PITPNC1: variants seen among roughly 807,000 people sequenced by gnomAD.
The protein encoded by PITPNC1 is phosphatidylinositol transfer protein cytoplasmic 1.
In PITPNC1, 18 loss-of-function variants were observed where a neutral mutation model predicts 44.7. That is an observed-to-expected ratio of 0.40 (90% CI 0.28 to 0.60). The LOEUF is 0.60. Among genes scored for constraint, PITPNC1 ranks in the 20% least tolerant of loss-of-function variants. The pLI is 0.39. For synonymous variants in PITPNC1, 141 were observed against 149.6 expected (o/e 0.94, Z 0.42); for missense variants, 290 against 418.4 (o/e 0.69, Z 2.68).
At chr17:67,566,196 G>A (rs2040978227) in intron 4 of PITPNC1, among the ~76,000 whole-genome samples, 2 of 151,838 alleles carry the variant, frequency 1.3e-5, no homozygotes, top group African/African-American at 4.8e-5. Context: ...TTCTGGGCAG[G>A]GTTTTTTGTT....
intron 5 of PITPNC1, among the ~76,000 whole-genome samples, chr17:67,585,201 C>G (rs1342653549): frequency 1.3e-5 from 2 of 149,766 alleles, no homozygotes; most frequent in African/African-American, 4.9e-5. Flanking sequence ...AGTAAACAAA[C>G]AAAAGAATTG....
chr17:67,526,718 G>A (rs1030227620), intron 1 of PITPNC1, among the ~76,000 whole-genome samples: 3 of 151,446 alleles, frequency 2.0e-5, no homozygotes, highest in Non-Finnish European at 4.4e-5. Context: ...GCGACAGAGA[G>A]CGAGACTCCA....
chr17:67,526,920 A>G (rs1417318698), intron 1 of PITPNC1, among the ~76,000 whole-genome samples: 2 of 151,990 alleles, frequency 1.3e-5, no homozygotes, highest in East Asian at 3.9e-4. Flanking sequence ...GTTTTTGACT[A>G]TGGAGGTAAT....
At chr17:67,490,517 G>A (rs1338873362) in intron 1 of PITPNC1, among the ~76,000 whole-genome samples, 3 of 152,102 alleles carry the variant, frequency 2.0e-5, no homozygotes, top group Admixed American at 6.5e-5. Context: ...AGGAGGCTTG[G>A]AGAGAGAGCC....
chr17:67,633,528 C>A (rs536934007), intron 6 of PITPNC1, among the ~76,000 whole-genome samples: 1 of 152,354 alleles, frequency 6.6e-6, no homozygotes, highest in South Asian at 2.1e-4. Flanking sequence ...CTCTGTGTTG[C>A]TCATCTCCAC....
At chr17:67,661,463 AC>A (rs1227977104) in intron 6 of PITPNC1, among the ~76,000 whole-genome samples, 1 of 151,506 alleles carries the variant, frequency 6.6e-6, no homozygotes, top group Non-Finnish European at 1.5e-5. Flanking sequence ...TTCTCCCCTC[AC>A]CCCCAGGCCC....
intron 1 of PITPNC1, among the ~76,000 whole-genome samples, chr17:67,462,190 T>TTTTTC (rs1213387849): frequency 1.3e-5 from 2 of 151,334 alleles, no homozygotes; most frequent in African/African-American, 4.9e-5. Flanking sequence ...CACCTTTTTT[T>TTTTTC]TTTTCTTTTC....
intron 6 of PITPNC1, among the ~76,000 whole-genome samples, chr17:67,667,490 C>CAA (rs71139168): frequency 2.8e-5 from 3 of 107,662 alleles, no homozygotes; most frequent in African/African-American, 6.9e-5. Flanking sequence ...GATCCTTTCT[C>CAA]AAAAAAAAAA....
chr17:67,377,942 A>C lies in PITPNC1; in HGVS notation c.-213A>C. The C allele has an allele frequency of 2.5e-6, 1 of 403,842 alleles. No individual in the cohort carries two copies. The highest frequency in any genetic ancestry group is 4.4e-6 in the Non-Finnish European group (1 of 229,752). 25.0% of individuals were successfully genotyped at this position (403,842 alleles called of 1,614,324 possible). A position where few individuals can be genotyped will look rare whatever the true frequency, so the allele number is the denominator to read the frequency against. ...GGAGGACCGGCCTCGGCGAGGGAGG[A>C]GGCGGGGGAGCTGCGAACACCCAGA... On this transcript the variant is annotated 5_prime_UTR_variant, in exon 1 of 9. Transcript: ENST00000581322.
Position 67,462,225 on chromosome 17 carries a change from C to CTTTTTTTTTT in PITPNC1, c.49-70564_49-70555dup, listed in dbSNP as rs549707875. On this transcript the variant is annotated intron_variant, in intron 1 of 8. Transcript: ENST00000581322. ...CTTTTCTTTTTCTCTTTCTTTCTTT[C>CTTTTTTTTTT]TTTTTTTTTTTTTTTTTTTTTTCTG... 3.9e-3 allele frequency among the ~76,000 whole-genome samples: 276 copies of CTTTTTTTTTT among 71,232 alleles called. 2 individuals carry two copies. Among genetic ancestry groups the CTTTTTTTTTT allele is most frequent in the Non-Finnish European group, 4.7e-3 (186 of 39,414 alleles). The allele number at this position is 71,232 out of a possible 152,430, so 46.7% of individuals were successfully genotyped here.
In PITPNC1 at chr17:67,692,937, G is replaced by GT. The variant is rs147971105; in HGVS notation, c.*58dup. 298,994 of 1,106,496 alleles carry GT rather than the reference G, an allele frequency of 0.27. 36,256 individuals are homozygous for GT. The highest frequency in any genetic ancestry group is 0.36 in the East Asian group (14,805 of 41,090). The allele number at this position is 1,106,496 out of a possible 1,614,324, so 68.5% of individuals were successfully genotyped here. ...TTTTATATTTTCATTTGTTGTTGTTGTTTTTTTTTAAGAATCTTCTGATAG... is the reference window on the plus strand; with the variant it reads ...TTTTATATTTTCATTTGTTGTTGTTGTTTTTTTTTTAAGAATCTTCTGATAG... On this transcript the variant is annotated 3_prime_UTR_variant, in exon 9 of 9. Coordinates refer to ENST00000581322, the MANE Select transcript of PITPNC1 (RefSeq NM_012417.4).
chr17:67,411,677 C>T (rs554499717), intron 1 of PITPNC1, among the ~76,000 whole-genome samples: 2 of 152,060 alleles, frequency 1.3e-5, no homozygotes, highest in Non-Finnish European at 2.9e-5. Context: ...AACAAGGTAA[C>T]GTTATGATTG....
chr17:67,498,760 C>T (rs1033740500), intron 1 of PITPNC1, among the ~76,000 whole-genome samples: 1 of 151,854 alleles, frequency 6.6e-6, no homozygotes, highest in Non-Finnish European at 1.5e-5. Context: ...AGGTGATATC[C>T]CATTGTGGTT....
At chr17:67,568,828 A>G (rs542431613) in intron 4 of PITPNC1, among the ~76,000 whole-genome samples, 377 of 152,338 alleles carry the variant, frequency 2.5e-3, no homozygotes, top group Middle Eastern at 0.01. Context: ...ATACACTGTC[A>G]TAGAGAATAC....
At chr17:67,602,662 A>G (rs2041556684) in intron 5 of PITPNC1, among the ~76,000 whole-genome samples, 1 of 152,202 alleles carries the variant, frequency 6.6e-6, no homozygotes, top group South Asian at 2.1e-4. Flanking sequence ...GCGTGTGGCT[A>G]GAAAGCAGGG....
chr17:67,494,950 G>T (rs1285216399), intron 1 of PITPNC1, among the ~76,000 whole-genome samples: 1 of 150,776 alleles, frequency 6.6e-6, no homozygotes, highest in Non-Finnish European at 1.5e-5. Context: ...TTCAGCCTGG[G>T]TGACGGGGAG....
At chr17:67,403,215 C>CAAAA (rs1567976484) in intron 1 of PITPNC1, among the ~76,000 whole-genome samples, 2 of 13,984 alleles carry the variant, frequency 1.4e-4, no homozygotes, top group African/African-American at 8.0e-4. Context: ...GACCTCATCT[C>CAAAA]TACAAAAAAA....
At chr17:67,392,098 G>A (rs1331164434) in intron 1 of PITPNC1, among the ~76,000 whole-genome samples, 1 of 152,212 alleles carries the variant, frequency 6.6e-6, no homozygotes, top group Admixed American at 6.5e-5. Flanking sequence ...CAGCAGAGAT[G>A]TTAGTTCATG....
intron 2 of PITPNC1, among the ~76,000 whole-genome samples, chr17:67,545,628 TA>T (rs1179813225): frequency 2.6e-5 from 4 of 152,208 alleles, no homozygotes; most frequent in African/African-American, 9.6e-5. Context: ...CATTTATTTT[TA>T]TTTTTTTACC....
Sources: gnomAD v4.1 joint callset for allele counts (sites outside exome capture counted in the v4.1 genomes callset) on GRCh38, gnomAD v4.1.1 for gene constraint, MANE v1.5 for transcripts, NCBI Gene and HGNC (gene_info 2026-07-23, HGNC 2026-07-21) for gene names.